The following STK33 variants were observed in gnomAD, a reference collection of about 807,000 sequenced individuals.
The protein encoded by STK33 is serine/threonine kinase 33, also known as serine/threonine-protein kinase 33.
Under a neutral mutation model 58.0 loss-of-function variants are expected in STK33, and 52 were observed. The observed-to-expected ratio is 0.90, with a 90% CI of 0.72 to 1.13. STK33 has a LOEUF of 1.13. Among genes scored for constraint, STK33 ranks in the 50% most tolerant of loss-of-function variants. The pLI is 0.00. For synonymous variants in STK33, 215 were observed against 200.1 expected (o/e 1.07, Z -0.63); for missense variants, 630 against 604.2 (o/e 1.04, Z -0.45).
intron 11 of STK33, among the ~76,000 whole-genome samples, chr11:8,445,668 G>C (rs189720914): frequency 6.6e-6 from 1 of 152,134 alleles, no homozygotes; most frequent in Non-Finnish European, 1.5e-5. Context: ...TTCTGTTTAC[G>C]TGGTGGATTA....
chr11:8,587,570 G>A (rs1025142472), intron 1 of STK33, among the ~76,000 whole-genome samples: 6 of 141,026 alleles, frequency 4.3e-5, no homozygotes, highest in African/African-American at 1.6e-4. Flanking sequence ...CCAGAGGGAG[G>A]AGTTTTCAAT....
At chr11:8,422,726 A>G (rs942094950) in intron 14 of STK33, among the ~76,000 whole-genome samples, 3 of 152,134 alleles carry the variant, frequency 2.0e-5, no homozygotes, top group Admixed American at 6.5e-5. Context: ...ACGTATTTGC[A>G]TACACCTAGT....
chr11:8,364,154 G>C, the STK33 span, among the ~76,000 whole-genome samples: 1 of 152,302 alleles, frequency 6.6e-6, no homozygotes, highest in South Asian at 2.1e-4. Flanking sequence ...CCTCGTTTAT[G>C]TCAATACGTT....
chr11:8,571,718 AGC>A (rs924702955), intron 1 of STK33, among the ~76,000 whole-genome samples: 1 of 151,812 alleles, frequency 6.6e-6, no homozygotes, highest in Non-Finnish European at 1.5e-5. Context: ...CTGTAGTCCC[AGC>A]TACTCAGCAG....
At chr11:8,493,057 C>T (rs1305550192) in intron 1 of STK33, among the ~76,000 whole-genome samples, 1 of 152,026 alleles carries the variant, frequency 6.6e-6, no homozygotes, top group African/African-American at 2.4e-5. Flanking sequence ...CAAGAGCAAA[C>T]AAATTCAATA....
chr11:8,582,034 C>G (rs2030412139), intron 1 of STK33, among the ~76,000 whole-genome samples: 1 of 152,182 alleles, frequency 6.6e-6, no homozygotes, highest in African/African-American at 2.4e-5. Flanking sequence ...ACTTCCTATT[C>G]TTAAATATCT....
intron 1 of STK33, among the ~76,000 whole-genome samples, chr11:8,499,714 T>C (rs1170520854): frequency 6.6e-6 from 1 of 152,162 alleles, no homozygotes; most frequent in Non-Finnish European, 1.5e-5. Flanking sequence ...ATGTGGCACA[T>C]ATACACCATG....
the STK33 span, among the ~76,000 whole-genome samples, chr11:8,376,371 G>A: frequency 2.0e-5 from 3 of 152,124 alleles, no homozygotes; most frequent in African/African-American, 7.2e-5. Flanking sequence ...GCTGGGTGGA[G>A]GGTATTTAAT....
At chr11:8,363,462 A>G in the STK33 span, among the ~76,000 whole-genome samples, 67 of 151,158 alleles carry the variant, frequency 4.4e-4, no homozygotes, top group African/African-American at 1.6e-3. Context: ...TAGTACCCCC[A>G]CCTCCCCCAG....
chr11:8,484,505 T>C (rs1048686369), intron 1 of STK33, among the ~76,000 whole-genome samples: 8 of 152,160 alleles, frequency 5.3e-5, no homozygotes, highest in Admixed American at 1.3e-4. Flanking sequence ...TGAGCTGTAG[T>C]GGGAATGTCT....
At chr11:8,440,848 A>C in intron 11 of STK33, 95 bp from the exon 12 acceptor site, 1 of 1,252,002 alleles carries the variant, frequency 8.0e-7, no homozygotes, top group Non-Finnish European at 1.1e-6. Flanking sequence ...GATGTGCTGT[A>C]ATTTATTCCC....
chr11:8,454,343 G>A (rs941410815), intron 10 of STK33, among the ~76,000 whole-genome samples: 1 of 151,992 alleles, frequency 6.6e-6, no homozygotes, highest in Non-Finnish European at 1.5e-5. Flanking sequence ...TTAATACACA[G>A]GAAAATTTTC....
the STK33 span, among the ~76,000 whole-genome samples, chr11:8,380,377 T>C: frequency 0.013 from 1,907 of 152,204 alleles, 50 homozygotes; most frequent in African/African-American, 0.044. Context: ...CTGGCCAACA[T>C]GGTGAAACCT....
chr11:8,351,470 CGGGGCTCTGCAT>C, the STK33 span, among the ~76,000 whole-genome samples: 27 of 152,326 alleles, frequency 1.8e-4, no homozygotes, highest in African/African-American at 6.5e-4. Context: ...TTAGGGCAGC[CGGGGCTCTGCAT>C]GGTTCTGGCC....
At chr11:8,375,354 C>A in the STK33 span, among the ~76,000 whole-genome samples, 1 of 152,206 alleles carries the variant, frequency 6.6e-6, no homozygotes, top group Non-Finnish European at 1.5e-5. Context: ...TATCCCATGG[C>A]TACCTCAGAG....
chr11:8,509,449 A>G (rs1331650042), intron 1 of STK33, among the ~76,000 whole-genome samples: 1 of 152,242 alleles, frequency 6.6e-6, no homozygotes. Context: ...AACGTTTTCC[A>G]GCAGATCCTG....
intron 1 of STK33, among the ~76,000 whole-genome samples, chr11:8,530,990 C>T (rs1319176140): frequency 6.6e-6 from 1 of 152,084 alleles, no homozygotes; most frequent in Admixed American, 6.6e-5. Flanking sequence ...CACACCCAGC[C>T]TCAAAAGCAT....
intron 1 of STK33, among the ~76,000 whole-genome samples, chr11:8,498,954 C>T (rs1229825919): frequency 1.4e-4 from 22 of 152,034 alleles, no homozygotes; most frequent in Admixed American, 3.3e-4. Context: ...AAGACTTAAA[C>T]GTAAGACCTA....
chr11:8,350,092 T>C, the STK33 span, among the ~76,000 whole-genome samples: 3 of 152,244 alleles, frequency 2.0e-5, no homozygotes, highest in Admixed American at 6.5e-5. Context: ...ATGGAACACA[T>C]GAGTATCTCC....
Sources: gnomAD v4.1 joint callset for allele counts (sites outside exome capture counted in the v4.1 genomes callset) on GRCh38, gnomAD v4.1.1 for gene constraint, MANE v1.5 for transcripts, NCBI Gene and HGNC (gene_info 2026-07-23, HGNC 2026-07-21) for gene names.